The following KLF12 variants were observed in gnomAD, a reference collection of about 807,000 sequenced individuals.
KLF12 encodes the protein Krueppel-like factor 12.
Under a neutral mutation model 37.8 loss-of-function variants are expected in KLF12, and 9 were observed. The observed-to-expected ratio is 0.24, with a 90% CI of 0.14 to 0.42. The LOEUF is 0.42. Ranked by LOEUF, KLF12 falls within the 10% of genes least tolerant of loss-of-function variation. The pLI is 1.00. For missense variants in KLF12, 411 were observed against 516.0 expected (o/e 0.80, Z 1.97); for synonymous variants, 208 against 202.1 (o/e 1.03, Z -0.25).
the KLF12 span, among the ~76,000 whole-genome samples, chr13:74,288,744 C>A: frequency 2.0e-5 from 3 of 152,164 alleles, no homozygotes; most frequent in Admixed American, 6.5e-5. Context: ...ATTTTGGCAG[C>A]TACCCAGAAA....
chr13:74,161,685 A>G, the KLF12 span, among the ~76,000 whole-genome samples: 1 of 152,216 alleles, frequency 6.6e-6, no homozygotes, highest in African/African-American at 2.4e-5. Flanking sequence ...GGAAGCTAAT[A>G]TATAACCCAT....
intron 3 of KLF12, among the ~76,000 whole-genome samples, chr13:73,890,466 T>A (rs559143230): frequency 6.6e-6 from 1 of 152,094 alleles, no homozygotes; most frequent in Non-Finnish European, 1.5e-5. Context: ...CCTTACATAC[T>A]TGTAAGTGGA....
intron 1 of KLF12, among the ~76,000 whole-genome samples, chr13:74,088,598 T>C (rs1196066043): frequency 3.9e-5 from 6 of 152,110 alleles, no homozygotes; most frequent in African/African-American, 1.4e-4. Context: ...AATCAATATA[T>C]GGTCATCACA....
chr13:74,286,519 T>C, the KLF12 span, among the ~76,000 whole-genome samples: 6 of 152,224 alleles, frequency 3.9e-5, no homozygotes, highest in Non-Finnish European at 8.8e-5. Context: ...TGCACATTCT[T>C]GGTGCATAAA....
chr13:74,275,099 G>C, the KLF12 span, among the ~76,000 whole-genome samples: 1 of 152,182 alleles, frequency 6.6e-6, no homozygotes, highest in African/African-American at 2.4e-5. Flanking sequence ...AGAGAGCCAT[G>C]TGAGGATTTT....
the KLF12 span, among the ~76,000 whole-genome samples, chr13:74,232,549 AG>A: frequency 5.3e-5 from 8 of 152,226 alleles, no homozygotes; most frequent in Non-Finnish European, 1.0e-4. Context: ...AACCTAAAAA[AG>A]GATAAGTACT....
At chr13:74,208,998 G>T in the KLF12 span, among the ~76,000 whole-genome samples, 47 of 152,016 alleles carry the variant, frequency 3.1e-4, no homozygotes, top group South Asian at 1.5e-3. Context: ...ACAGATAAAA[G>T]ATCTTATCTC....
chr13:74,150,258 C>T, the KLF12 span, among the ~76,000 whole-genome samples: 1 of 152,114 alleles, frequency 6.6e-6, no homozygotes, highest in Non-Finnish European at 1.5e-5. Context: ...CATGTTGAAG[C>T]AATTCTTCCC....
the KLF12 span, among the ~76,000 whole-genome samples, chr13:74,255,191 C>T: frequency 0.033 from 4,965 of 152,200 alleles, 120 homozygotes; most frequent in Middle Eastern, 0.071. Context: ...CATTTTAAGA[C>T]CCCATAATGG....
chr13:74,044,661 A>G (rs1357007437), intron 1 of KLF12, among the ~76,000 whole-genome samples: 6 of 152,138 alleles, frequency 3.9e-5, no homozygotes, highest in Non-Finnish European at 8.8e-5. Context: ...CCTGACCAAC[A>G]TGGTGAAACC....
chr13:74,031,758 A>G (rs1024662157), intron 1 of KLF12, among the ~76,000 whole-genome samples: 4 of 151,536 alleles, frequency 2.6e-5, no homozygotes, highest in African/African-American at 9.7e-5. Context: ...TTAACTTATG[A>G]TTTAGTGTTC....
chr13:73,842,581 G>T (rs911361675), intron 4 of KLF12, among the ~76,000 whole-genome samples: 1 of 152,206 alleles, frequency 6.6e-6, no homozygotes, highest in Non-Finnish European at 1.5e-5. Context: ...AGTCCTTCAC[G>T]TAATGTGACA....
the KLF12 span, among the ~76,000 whole-genome samples, chr13:74,162,399 A>T: frequency 6.6e-6 from 1 of 152,226 alleles, no homozygotes. Context: ...CCTTTAACTC[A>T]GTTTCTGCTC....
chr13:73,917,205 G>C lies in KLF12; in HGVS notation c.123+26776C>G, dbSNP rs566333834. ...TGTCCATTTTATCTGCTACAAAAAT[G>C]ATTACTTTATAAATGCTATAAAAAA... On this transcript the variant is annotated intron_variant, in intron 3 of 7. Transcript: ENST00000377669. 7.2e-4 allele frequency among the ~76,000 whole-genome samples: 110 copies of C among 152,212 alleles called. 1 individual carries two copies. Among genetic ancestry groups the C allele is most frequent in the African/African-American group, 2.3e-3 (94 of 41,522 alleles).
chr13:74,014,014 T>A (rs570183296), intron 1 of KLF12, among the ~76,000 whole-genome samples: 2 of 152,274 alleles, frequency 1.3e-5, no homozygotes, highest in East Asian at 3.9e-4. Flanking sequence ...CACCTGGAAT[T>A]ATTTTCTATT....
intron 5 of KLF12, among the ~76,000 whole-genome samples, chr13:73,793,911 C>T (rs1470234972): frequency 1.3e-5 from 2 of 152,092 alleles, no homozygotes; most frequent in Non-Finnish European, 2.9e-5. Flanking sequence ...ACTGGTGGTC[C>T]CAAGAAGTTA....
chr13:74,057,882 A>C (rs1432970180), intron 1 of KLF12, among the ~76,000 whole-genome samples: 1 of 152,152 alleles, frequency 6.6e-6, no homozygotes, highest in Admixed American at 6.6e-5. Context: ...TGAAGGGAAG[A>C]ATCAGATGAA....
At chr13:74,302,480 A>G in the KLF12 span, among the ~76,000 whole-genome samples, 1 of 152,152 alleles carries the variant, frequency 6.6e-6, no homozygotes. Flanking sequence ...GAGCAGCTGT[A>G]ACCAAACTAA....
chr13:74,250,443 C>T, the KLF12 span, among the ~76,000 whole-genome samples: 4 of 151,924 alleles, frequency 2.6e-5, no homozygotes, highest in Non-Finnish European at 4.4e-5. Flanking sequence ...AGAAAGGAAC[C>T]CTGGAGAACT....
Sources: gnomAD v4.1 joint callset for allele counts (sites outside exome capture counted in the v4.1 genomes callset) on GRCh38, gnomAD v4.1.1 for gene constraint, MANE v1.5 for transcripts, NCBI Gene and HGNC (gene_info 2026-07-23, HGNC 2026-07-21) for gene names.